The following GRIA1 variants were observed in gnomAD, a reference collection of about 807,000 sequenced individuals.
GRIA1 encodes glutamate receptor 1.
Under a neutral mutation model 99.2 loss-of-function variants are expected in GRIA1, and 31 were observed. The ratio of observed to expected loss-of-function variants is 0.31; its 90% CI spans 0.23 to 0.42. The LOEUF (loss-of-function observed/expected upper bound fraction) is 0.42. Among genes scored for constraint, GRIA1 ranks in the 10% least tolerant of loss-of-function variants. The probability of loss-of-function intolerance (pLI) is 1.00; values close to 1 mark genes in which losing one functional copy is unlikely to be tolerated. For missense variants in GRIA1, 782 were observed against 1,157.5 expected (o/e 0.68, Z 4.71); for synonymous variants, 438 against 432.4 (o/e 1.01, Z -0.16).
At chr5:153,540,424 C>G (rs1268179900) in intron 2 of GRIA1, among the ~76,000 whole-genome samples, 3 of 152,160 alleles carry the variant, frequency 2.0e-5, no homozygotes, top group African/African-American at 7.2e-5. Flanking sequence ...CCTAATGAAA[C>G]ACATATATCC....
chr5:153,635,113 C>T (rs995182395), intron 2 of GRIA1, among the ~76,000 whole-genome samples: 13 of 152,122 alleles, frequency 8.5e-5, no homozygotes, highest in East Asian at 3.9e-4. Context: ...TTACAGTGTA[C>T]GTTTGCTGGT....
chr5:153,595,770 T>A (rs946674225), intron 2 of GRIA1, among the ~76,000 whole-genome samples: 4 of 148,326 alleles, frequency 2.7e-5, no homozygotes, highest in Non-Finnish European at 6.0e-5. Context: ...TTAATATATA[T>A]AATATAATGT....
chr5:153,613,509 C>A (rs112960135), intron 2 of GRIA1, among the ~76,000 whole-genome samples: 5 of 152,160 alleles, frequency 3.3e-5, no homozygotes, highest in African/African-American at 4.8e-5. Context: ...CATTTTATTT[C>A]CAGGCTTCAT....
intron 11 of GRIA1, among the ~76,000 whole-genome samples, chr5:153,746,757 C>T (rs1258528008): frequency 6.6e-6 from 1 of 152,200 alleles, no homozygotes; most frequent in Non-Finnish European, 1.5e-5. Flanking sequence ...CTTCTAAGAA[C>T]TTAAGCCCAA....
chr5:153,623,920 C>T (rs920802384), intron 2 of GRIA1, among the ~76,000 whole-genome samples: 3 of 151,990 alleles, frequency 2.0e-5, no homozygotes, highest in African/African-American at 7.2e-5. Flanking sequence ...TTTGAAGTCT[C>T]GTTGAATATG....
chr5:153,729,568 A>G (rs182096396), intron 11 of GRIA1, among the ~76,000 whole-genome samples: 2 of 152,148 alleles, frequency 1.3e-5, no homozygotes, highest in African/African-American at 4.8e-5. Context: ...ATTCACAGAA[A>G]GAGCAAACTC....
chr5:153,634,995 G>A (rs1753244525), intron 2 of GRIA1, among the ~76,000 whole-genome samples: 1 of 152,124 alleles, frequency 6.6e-6, no homozygotes, highest in Admixed American at 6.5e-5. Context: ...ATAAATCCTA[G>A]CTAGAAGATG....
intron 5 of GRIA1, among the ~76,000 whole-genome samples, chr5:153,672,609 A>G (rs538251941): frequency 1.3e-5 from 2 of 149,984 alleles, no homozygotes; most frequent in South Asian, 4.4e-4. Context: ...CTTTAGAGGC[A>G]TAGGGGTGGG....
intron 2 of GRIA1, among the ~76,000 whole-genome samples, chr5:153,629,655 A>C (rs1239971803): frequency 6.6e-6 from 1 of 152,262 alleles, no homozygotes; most frequent in Non-Finnish European, 1.5e-5. Flanking sequence ...TGCACTATGT[A>C]GTAGGCATTT....
At chr5:153,792,484 G>T (rs955480803) in intron 13 of GRIA1, among the ~76,000 whole-genome samples, 1 of 152,148 alleles carries the variant, frequency 6.6e-6, no homozygotes, top group Non-Finnish European at 1.5e-5. Context: ...GTTCCCTTTT[G>T]TCCCTGCACT....
At chr5:153,800,380 G>A (rs938140055) in intron 14 of GRIA1, among the ~76,000 whole-genome samples, 1 of 152,286 alleles carries the variant, frequency 6.6e-6, no homozygotes, top group East Asian at 1.9e-4. Flanking sequence ...CAACAAACAG[G>A]GAGACATTTT....
intron 13 of GRIA1, among the ~76,000 whole-genome samples, chr5:153,780,044 C>T (rs1412247838): frequency 6.6e-6 from 1 of 152,206 alleles, no homozygotes; most frequent in African/African-American, 2.4e-5. Context: ...GATTTGCCCA[C>T]TGAAGCACTG....
chr5:153,577,143 TGGATGGATGGTTGGATGGA>T (rs1762632577), intron 2 of GRIA1, among the ~76,000 whole-genome samples: 1 of 98,914 alleles, frequency 1.0e-5, no homozygotes, highest in Non-Finnish European at 2.2e-5. Context: ...GATGGATGGA[TGGATGGATGGTTGGATGGA>T]TGGATGGATG....
Position 153,813,027 on chromosome 5 carries a change from C to T in GRIA1, c.*1802C>T, listed in dbSNP as rs1170339086. 1 of 152,194 alleles carries T rather than the reference C, an allele frequency of 6.6e-6. No homozygotes were observed. Among genetic ancestry groups the T allele is most frequent in the African/African-American group, 2.4e-5 (1 of 41,444 alleles). The allele number at this position is 152,194 out of a possible 1,614,324, so 9.4% of individuals were successfully genotyped here. ...CTTTATTGGCTTTTCTGTGGATTCT[C>T]TCAGTGGACCCACACCATCTCTATG... On this transcript the variant is annotated 3_prime_UTR_variant, in exon 16 of 16. Transcript: ENST00000285900.
intron 13 of GRIA1, among the ~76,000 whole-genome samples, chr5:153,791,160 G>A (rs1477137416): frequency 6.6e-6 from 1 of 151,370 alleles, no homozygotes; most frequent in Non-Finnish European, 1.5e-5. Flanking sequence ...AGAAGACCAG[G>A]AAAGGTGGCT....
chr5:153,805,718 T>C, intron 15 of GRIA1, among the ~76,000 whole-genome samples: 1 of 152,366 alleles, frequency 6.6e-6, no homozygotes, highest in South Asian at 2.1e-4. Flanking sequence ...AGTCACACTA[T>C]TTAGATTAAA....
chr5:153,777,051 G>A (rs1427252591), intron 13 of GRIA1, among the ~76,000 whole-genome samples: 2 of 152,176 alleles, frequency 1.3e-5, no homozygotes, highest in East Asian at 1.9e-4. Flanking sequence ...TTGCTCTAAA[G>A]AGCCCTTCCC....
At chr5:153,697,482 T>G (rs1758197567) in intron 8 of GRIA1, among the ~76,000 whole-genome samples, 1 of 152,184 alleles carries the variant, frequency 6.6e-6, no homozygotes, top group South Asian at 2.1e-4. Context: ...TTTTAGACAC[T>G]CCTATATATT....
chr5:153,574,418 T>G (rs1466462801), intron 2 of GRIA1: 1 of 152,124 alleles, frequency 6.6e-6, no homozygotes, highest in African/African-American at 2.4e-5. Context: ...TTAATAATCA[T>G]TATCTTTGTT....
Sources: gnomAD v4.1 joint callset for allele counts (sites outside exome capture counted in the v4.1 genomes callset) on GRCh38, gnomAD v4.1.1 for gene constraint, MANE v1.5 for transcripts, NCBI Gene and HGNC (gene_info 2026-07-23, HGNC 2026-07-21) for gene names.